Variants in RALGPS1 observed in about 807,000 individuals in gnomAD.
RALGPS1 encodes Ral GEF with PH domain and SH3 binding motif 1.
In RALGPS1, 19 loss-of-function variants were observed where a neutral mutation model predicts 78.8. The ratio of observed to expected loss-of-function variants is 0.24; its 90% confidence interval spans 0.17 to 0.35. The LOEUF (loss-of-function observed/expected upper bound fraction) is 0.35, where lower values mean the gene tolerates loss of function less well. RALGPS1 is among the 10% of genes least tolerant of loss of function. The probability of loss-of-function intolerance (pLI) is 1.00; values close to 1 mark genes in which losing one functional copy is unlikely to be tolerated. For missense variants in RALGPS1, 454 were observed against 688.3 expected (o/e 0.66, Z 3.81); for synonymous variants, 228 against 256.3 (o/e 0.89, Z 1.06).
intron 12 of RALGPS1, 54 bp downstream of exon 12, chr9:127,195,271 C>A: frequency 3.8e-6 from 6 of 1,591,674 alleles, no homozygotes; most frequent in Non-Finnish European, 5.1e-6. Context: ...TGCACATGGG[C>A]CTGGGCACAG....
At chr9:126,925,557 GAA>G (rs113554319) in intron 1 of RALGPS1, among the ~76,000 whole-genome samples, 56,862 of 146,588 alleles carry the variant, frequency 0.39, 12,486 homozygotes, top group Non-Finnish European at 0.49. Context: ...TCAAAAAAAA[GAA>G]AAAAAAAAAA....
intron 8 of RALGPS1, among the ~76,000 whole-genome samples, chr9:127,102,476 T>G (rs1378092271): frequency 6.6e-6 from 1 of 152,194 alleles, no homozygotes; most frequent in African/African-American, 2.4e-5. Flanking sequence ...TTCTTTCAGT[T>G]TGCCAAGTAC....
chr9:127,130,466 ACATC>A (rs1292625667), intron 8 of RALGPS1, among the ~76,000 whole-genome samples: 8 of 152,198 alleles, frequency 5.3e-5, no homozygotes, highest in South Asian at 2.1e-4. Context: ...TTTGGTTTGC[ACATC>A]TGTCACTGTC....
At chr9:127,070,165 C>A (rs1372132058) in intron 8 of RALGPS1, among the ~76,000 whole-genome samples, 1 of 152,146 alleles carries the variant, frequency 6.6e-6, no homozygotes. Flanking sequence ...CAACCTGGAT[C>A]CCTCACATGT....
intron 10 of RALGPS1, among the ~76,000 whole-genome samples, chr9:127,172,713 A>G (rs1220764403): frequency 6.6e-6 from 1 of 152,026 alleles, no homozygotes; most frequent in Non-Finnish European, 1.5e-5. Flanking sequence ...CTAGGTCTTC[A>G]ATCTCCTTTT....
chr9:127,055,279 C>G (rs2048651025), intron 7 of RALGPS1, among the ~76,000 whole-genome samples: 1 of 152,156 alleles, frequency 6.6e-6, no homozygotes, highest in Non-Finnish European at 1.5e-5. Context: ...AGTGCAGTGG[C>G]CTGAACACAG....
intron 1 of RALGPS1, among the ~76,000 whole-genome samples, chr9:126,924,177 C>T (rs996373770): frequency 6.6e-6 from 1 of 152,224 alleles, no homozygotes; most frequent in Admixed American, 6.5e-5. Context: ...CAGCTGCCTG[C>T]AGTTCATATA....
intron 8 of RALGPS1, among the ~76,000 whole-genome samples, chr9:127,149,969 A>G (rs1487977554): frequency 1.3e-5 from 2 of 152,212 alleles, no homozygotes; most frequent in Non-Finnish European, 2.9e-5. Flanking sequence ...GCGGTCAAAT[A>G]AGGCCAGGAT....
intron 11 of RALGPS1, among the ~76,000 whole-genome samples, chr9:127,189,388 C>T (rs73597291): frequency 0.018 from 2,757 of 152,200 alleles, 100 homozygotes; most frequent in African/African-American, 0.063. Context: ...GGGAGGAGAA[C>T]GTGCTTCCTG....
chr9:126,916,610 C>T (rs1163028469), intron 1 of RALGPS1, among the ~76,000 whole-genome samples: 1 of 152,078 alleles, frequency 6.6e-6, no homozygotes, highest in Non-Finnish European at 1.5e-5. Context: ...GTGAAACCCC[C>T]TCTCTACTAA....
At chr9:127,159,988 T>C (rs1222499373) in intron 8 of RALGPS1, among the ~76,000 whole-genome samples, 1 of 151,246 alleles carries the variant, frequency 6.6e-6, no homozygotes, top group African/African-American at 2.4e-5. Context: ...CTGTAGAGGG[T>C]TTTTTTTTCC....
At chr9:127,002,787 T>G (rs531132654) in intron 4 of RALGPS1, among the ~76,000 whole-genome samples, 2 of 152,280 alleles carry the variant, frequency 1.3e-5, no homozygotes, top group Non-Finnish European at 2.9e-5. Context: ...CATCATTTTT[T>G]ATGACTGCAT....
At chr9:127,041,083 T>G (rs530387498) in intron 5 of RALGPS1, among the ~76,000 whole-genome samples, 33 of 101,456 alleles carry the variant, frequency 3.3e-4, no homozygotes, top group Non-Finnish European at 5.3e-4. Context: ...TAAAGTTTTC[T>G]TTCTTTCTTT....
chr9:127,164,849 G>C (rs2059213471), intron 8 of RALGPS1, among the ~76,000 whole-genome samples: 2 of 152,018 alleles, frequency 1.3e-5, no homozygotes, highest in Admixed American at 1.3e-4. Context: ...CCTAAAACTT[G>C]TTAACGTTGT....
intron 1 of RALGPS1, among the ~76,000 whole-genome samples, chr9:126,938,660 A>T (rs2036487814): frequency 6.6e-6 from 1 of 152,224 alleles, no homozygotes; most frequent in Admixed American, 6.5e-5. Flanking sequence ...TATGTTTTCA[A>T]AGTAGGCTTG....
chr9:126,929,269 T>C (rs2035584150), intron 1 of RALGPS1, among the ~76,000 whole-genome samples: 1 of 152,106 alleles, frequency 6.6e-6, no homozygotes, highest in Non-Finnish European at 1.5e-5. Context: ...AGGATAAGGA[T>C]AGCAGTGGAG....
At chr9:127,008,834 A>C (rs2133843327) in intron 4 of RALGPS1, among the ~76,000 whole-genome samples, 1 of 152,296 alleles carries the variant, frequency 6.6e-6, no homozygotes, top group South Asian at 2.1e-4. Context: ...TCCTGGCTAG[A>C]ACATAATCAA....
chr9:126,961,491 C>T (rs1302568348), intron 1 of RALGPS1, among the ~76,000 whole-genome samples: 1 of 152,164 alleles, frequency 6.6e-6, no homozygotes, highest in Non-Finnish European at 1.5e-5. Context: ...TTGTCTTCTT[C>T]ACCCTGCCTT....
intron 8 of RALGPS1, among the ~76,000 whole-genome samples, chr9:127,132,936 T>A (rs1205277698): frequency 1.3e-5 from 2 of 152,196 alleles, no homozygotes; most frequent in African/African-American, 4.8e-5. Flanking sequence ...AACCAGACTT[T>A]TAGGTCCAAA....
Sources: gnomAD v4.1 joint callset for allele counts (sites outside exome capture counted in the v4.1 genomes callset) on GRCh38, gnomAD v4.1.1 for gene constraint, MANE v1.5 for transcripts, NCBI Gene and HGNC (gene_info 2026-07-23, HGNC 2026-07-21) for gene names.